PRMT3: variants seen among roughly 807,000 people sequenced by gnomAD.
PRMT3 encodes the protein protein arginine methyltransferase 3.
PRMT3 carries 62 observed loss-of-function variants against 71.9 expected under a neutral mutation model. The observed-to-expected ratio is 0.86, with a 90% confidence interval of 0.70 to 1.07. The LOEUF is 1.07. Among genes scored for constraint, PRMT3 ranks in the 50% least tolerant of loss-of-function variants. The pLI, the probability that PRMT3 is intolerant of heterozygous loss-of-function variation, is 0.00. For synonymous variants in PRMT3, 213 were observed against 220.4 expected (o/e 0.97, Z 0.30); for missense variants, 663 against 643.0 (o/e 1.03, Z -0.34).
chr11:20,440,255 C>T (rs1193335938), intron 10 of PRMT3, among the ~76,000 whole-genome samples: 4 of 152,094 alleles, frequency 2.6e-5, no homozygotes, highest in Admixed American at 6.5e-5. Context: ...GTTTGATTGG[C>T]TGAGGCAGGA....
At position 20,469,636 on chromosome 11, in the gene PRMT3, A is replaced by C. The variant is rs183774752; in HGVS notation, c.1347+5090A>C. ...GATTTTGGAATATTTCCATTTATGC[A>C]TTCCTAATGCAGAAATCTGAAATCC... On this transcript the variant is annotated intron_variant, in intron 13 of 15. Transcript: ENST00000331079. Among the ~76,000 whole-genome samples the C allele has an allele frequency of 6.6e-5, 10 of 152,322 alleles. No individual in the cohort carries two copies. In the East Asian group the frequency reaches 1.7e-3, roughly 26 times the overall value.
At chr11:20,405,275 G>A (rs1034445084) in intron 8 of PRMT3, among the ~76,000 whole-genome samples, 9 of 151,956 alleles carry the variant, frequency 5.9e-5, no homozygotes, top group African/African-American at 2.2e-4. Flanking sequence ...CCAGTTAGGT[G>A]CCTTCTTTAT....
At chr11:20,502,871 T>G (rs984361883) in intron 15 of PRMT3, among the ~76,000 whole-genome samples, 1 of 152,126 alleles carries the variant, frequency 6.6e-6, no homozygotes, top group Non-Finnish European at 1.5e-5. Context: ...ATGCACCAGA[T>G]TTTTTAGATG....
chr11:20,416,430 G>A (rs977577432), intron 9 of PRMT3, among the ~76,000 whole-genome samples: 3 of 152,098 alleles, frequency 2.0e-5, no homozygotes, highest in African/African-American at 7.2e-5. Flanking sequence ...TCAGCTCCCC[G>A]TGGTGTGGCA....
At chr11:20,419,839 C>G (rs1367075959) in intron 9 of PRMT3, among the ~76,000 whole-genome samples, 1 of 152,170 alleles carries the variant, frequency 6.6e-6, no homozygotes, top group Non-Finnish European at 1.5e-5. Context: ...TCACAAGTCA[C>G]TCATTCATGA....
At chr11:20,490,416 T>C (rs1353329560) in intron 13 of PRMT3, among the ~76,000 whole-genome samples, 3 of 152,228 alleles carry the variant, frequency 2.0e-5, no homozygotes, top group African/African-American at 7.2e-5. Flanking sequence ...CCAGTATTTC[T>C]TTCACTATAT....
intron 8 of PRMT3, 88 bp from the exon 9 acceptor site, chr11:20,407,823 A>T: frequency 7.6e-7 from 1 of 1,308,604 alleles, no homozygotes; most frequent in Non-Finnish European, 1.0e-6. Context: ...TTTCCTAGCC[A>T]GAAACATCAT....
rs200788089 is a variant in PRMT3, at chr11:20,391,062, AT to A, written c.248-1148del. Among the ~76,000 whole-genome samples, 70 of 145,724 alleles carry A rather than the reference AT, an allele frequency of 4.8e-4. 1 individual carries two copies. Among genetic ancestry groups the A allele is most frequent in the East Asian group, 3.2e-3 (16 of 5,026 alleles). ...GAGACGCCGTCTCAAAAAAAAAAAA[AT>A]AATAGGTTTTTTGGTCCCTATATTT... is the stretch of plus-strand genomic sequence containing the variant. On this transcript the variant is annotated intron_variant, in intron 3 of 15. Transcript: ENST00000331079.
intron 15 of PRMT3, among the ~76,000 whole-genome samples, chr11:20,494,873 T>C (rs1851297529): frequency 4.6e-5 from 7 of 152,194 alleles, no homozygotes; most frequent in Admixed American, 4.6e-4. Context: ...AAATATTTTC[T>C]TTCTCCAAGT....
rs1297563124 is a variant in PRMT3 at position 20,509,017 on chromosome 11, T to C, written c.*604T>C. 6.4e-6 allele frequency: 1 copy of C among 156,734 alleles called. No homozygotes were observed. Among genetic ancestry groups the C allele is most frequent in the African/African-American group, 2.4e-5 (1 of 41,490 alleles). The allele number at this position is 156,734 out of a possible 1,614,324, so 9.7% of individuals were successfully genotyped here. ...CTCATTTTGTAGTTTCTTCCCTCTT[T>C]GTGACTATTCCTTAGCCTTATAGAT... On this transcript the variant is annotated 3_prime_UTR_variant, in exon 16 of 16. Coordinates refer to ENST00000331079, the MANE Select transcript of PRMT3 (RefSeq NM_005788.4).
intron 2 of PRMT3, among the ~76,000 whole-genome samples, chr11:20,388,555 CAT>C (rs1848646768): frequency 1.3e-5 from 2 of 152,348 alleles, no homozygotes; most frequent in East Asian, 3.9e-4. Context: ...TAACGAGTAA[CAT>C]ATTTGGCAGC....
At chr11:20,418,275 T>A (rs1031045115) in intron 9 of PRMT3, among the ~76,000 whole-genome samples, 4 of 152,220 alleles carry the variant, frequency 2.6e-5, no homozygotes, top group Admixed American at 6.5e-5. Flanking sequence ...TGGTTTATAC[T>A]GAAGTAGGGT....
intron 7 of PRMT3, among the ~76,000 whole-genome samples, chr11:20,402,222 A>C (rs1451753239): frequency 6.6e-6 from 1 of 151,740 alleles, no homozygotes; most frequent in East Asian, 1.9e-4. Flanking sequence ...CGGGTTCAAG[A>C]GATTCTCCTG....
At chr11:20,487,635 G>A (rs1390190855) in intron 13 of PRMT3, among the ~76,000 whole-genome samples, 1 of 152,166 alleles carries the variant, frequency 6.6e-6, no homozygotes, top group African/African-American at 2.4e-5. Flanking sequence ...TCAGCATGAT[G>A]TACACTTATG....
At chr11:20,435,182 A>C (rs1849735516) in intron 10 of PRMT3, among the ~76,000 whole-genome samples, 1 of 152,136 alleles carries the variant, frequency 6.6e-6, no homozygotes, top group Admixed American at 6.5e-5. Flanking sequence ...CTAAAGCCTT[A>C]CATTTAAATA....
chr11:20,426,933 C>T, intron 10 of PRMT3, 68 bp downstream of exon 10: 1 of 1,444,012 alleles, frequency 6.9e-7, no homozygotes, highest in South Asian at 1.5e-5. Context: ...TAATAGTTTT[C>T]ATGAATTTAA....
At chr11:20,494,098 G>A (rs35755532) in intron 14 of PRMT3, 69 bp from the exon 15 acceptor site, 129,964 of 1,482,350 alleles carry the variant, frequency 0.088, 6,269 homozygotes, top group East Asian at 0.19. Context: ...GTTTGATGTC[G>A]TAGATTAATG....
chr11:20,496,963 AC>A (rs1158006410), intron 15 of PRMT3, among the ~76,000 whole-genome samples: 1 of 152,154 alleles, frequency 6.6e-6, no homozygotes. Context: ...AATGAGGCAA[AC>A]CCAAATGAGG....
chr11:20,480,543 T>C (rs12223128), intron 13 of PRMT3, among the ~76,000 whole-genome samples: 11,576 of 152,162 alleles, frequency 0.076, 538 homozygotes, highest in East Asian at 0.2. Flanking sequence ...TGTGATGTTT[T>C]TTAAGTAGAG....
Sources: allele counts gnomAD v4.1 joint callset (sites outside exome capture counted in the v4.1 genomes callset), GRCh38; gene constraint gnomAD v4.1.1; transcripts MANE v1.5; gene names NCBI Gene and HGNC (gene_info 2026-07-23, HGNC 2026-07-21).